Variants in DCBLD1 observed in about 807,000 individuals in gnomAD.
The protein encoded by DCBLD1 is discoidin, CUB and LCCL domain-containing protein 1.
In DCBLD1, 57 loss-of-function variants were observed where a neutral mutation model predicts 71.5. That is an observed-to-expected ratio of 0.80 (90% confidence interval 0.64 to 0.99). The LOEUF (loss-of-function observed/expected upper bound fraction) is 0.99, where lower values mean the gene tolerates loss of function less well. Ranked by LOEUF, DCBLD1 falls within the 50% of genes least tolerant of loss-of-function variation. The pLI is 0.00. For missense variants in DCBLD1, 891 were observed against 923.5 expected, an observed-to-expected ratio of 0.96 and a Z score of 0.46; for synonymous variants, 380 against 363.8, an observed-to-expected ratio of 1.04 and a Z score of -0.51.
chr6:117,550,372 A>G (rs1779408152), downstream of DCBLD1, among the ~76,000 whole-genome samples: 1 of 152,178 alleles, frequency 6.6e-6, no homozygotes, highest in African/African-American at 2.4e-5. Flanking sequence ...GAAAAATTTT[A>G]CATCTTTCTT....
intron 2 of DCBLD1, among the ~76,000 whole-genome samples, chr6:117,506,194 T>C (rs1269498074): frequency 1.3e-5 from 2 of 152,116 alleles, no homozygotes; most frequent in African/African-American, 4.8e-5. Flanking sequence ...ATATTATCAA[T>C]GCCTTTCCAC....
At chr6:117,537,315 A>G (rs1417462626) in intron 7 of DCBLD1, 90 bp downstream of exon 7, 2 of 1,231,354 alleles carry the variant, frequency 1.6e-6, no homozygotes, top group East Asian at 4.8e-5. Flanking sequence ...CAGGCGGATC[A>G]TGAGGTCAGG....
intron 14 of DCBLD1, among the ~76,000 whole-genome samples, chr6:117,557,166 G>A (rs935860511): frequency 6.6e-6 from 1 of 151,980 alleles, no homozygotes; most frequent in Non-Finnish European, 1.5e-5. Context: ...AAGTTTTGTT[G>A]CAATCTCCCA....
intron 1 of DCBLD1, among the ~76,000 whole-genome samples, chr6:117,498,056 T>C (rs1160896309): frequency 2.6e-5 from 4 of 152,368 alleles, no homozygotes; most frequent in South Asian, 2.1e-4. Context: ...CTTGGAGATA[T>C]CAGTTTGGCT....
At chr6:117,560,401 A>G in intron 14 of DCBLD1, 1 of 186,956 alleles carries the variant, frequency 5.3e-6, no homozygotes, top group African/African-American at 2.3e-5. Flanking sequence ...ATTATCATAA[A>G]TGCAATAGAT....
At chr6:117,543,286 G>A in intron 12 of DCBLD1, 75 bp downstream of exon 12, 1 of 1,236,712 alleles carries the variant, frequency 8.1e-7, no homozygotes, top group Admixed American at 1.7e-5. Context: ...TTATTCTTCA[G>A]AAATGCATAT....
chr6:117,521,501 T>G, intron 3 of DCBLD1, 24 bp from the exon 4 acceptor site: 1 of 1,551,466 alleles, frequency 6.4e-7, no homozygotes, highest in South Asian at 1.2e-5. Context: ...TTCTATTAAT[T>G]GCAATTATCT....
intron 4 of DCBLD1, among the ~76,000 whole-genome samples, chr6:117,522,869 C>G (rs1399077720): frequency 6.6e-6 from 1 of 152,166 alleles, no homozygotes; most frequent in African/African-American, 2.4e-5. Context: ...TTAAGACTTG[C>G]TGAGGGCTAC....
chr6:117,539,249 T>TAATA lies in DCBLD1; in HGVS notation c.977-5_977-4insATAA. ...AAATAGCCTGTAAATATTATTTTCT[T>TAATA]ACAAGGAATTAGGACCACAGGATCT... On this transcript the variant is annotated splice_region_variant and splice_polypyrimidine_tract_variant and intron_variant, in intron 8 of 14. Transcript: ENST00000338728. 6.6e-7 allele frequency: 1 copy of TAATA among 1,513,330 alleles called. No homozygotes were observed. Among genetic ancestry groups the TAATA allele is most frequent in the Non-Finnish European group, 8.8e-7 (1 of 1,136,570 alleles). 93.7% of individuals were successfully genotyped at this position (1,513,330 alleles called of 1,614,324 possible). A position where few individuals can be genotyped will look rare whatever the true frequency, so the allele number is the denominator to read the frequency against.
At chr6:117,515,020 G>GGTT (rs1402023741) in intron 2 of DCBLD1, among the ~76,000 whole-genome samples, 12 of 136,952 alleles carry the variant, frequency 8.8e-5, no homozygotes, top group Non-Finnish European at 1.3e-4. Flanking sequence ...CAGTTTGTGG[G>GGTT]TTTTTTTTTT....
chr6:117,547,546 A>G (rs1243773815), intron 14 of DCBLD1: 2 of 521,632 alleles, frequency 3.8e-6, no homozygotes, highest in Non-Finnish European at 7.7e-6. Context: ...TATCAACTCT[A>G]TTTTCGAGGC....
rs1318931686 is a variant in DCBLD1 at position 117,548,442 on chromosome 6, A to G, written c.*3A>G. 6.4e-5 allele frequency: 100 copies of G among 1,550,408 alleles called. No homozygotes were observed. The highest frequency in any genetic ancestry group is 8.4e-5 in the Non-Finnish European group (96 of 1,146,996). ...CGGCCATGACTGCCCTTTTGTGAAC[A>G]CAATGTGAAAGAAGCCTGCTGTGGT... On this transcript the variant is annotated 3_prime_UTR_variant, in exon 15 of 15. Transcript: ENST00000338728.
intron 1 of DCBLD1, among the ~76,000 whole-genome samples, chr6:117,498,314 G>A (rs1048141934): frequency 2.0e-5 from 3 of 152,150 alleles, no homozygotes; most frequent in African/African-American, 7.2e-5. Context: ...AGACCACCCT[G>A]GAAATATTCT....
Position 117,548,031 on chromosome 6 carries a change from C to A in DCBLD1, c.1740C>A (p.Cys580Ter), listed in dbSNP as rs1390211041. Residue 580 changes from cysteine to a stop codon, truncating the protein, a stop_gained, in exon 15 of 15, where the codon TGC (cysteine) becomes TGA (stop). Transcript: ENST00000338728. LOFTEE classifies it low-confidence loss of function (END_TRUNC). ...CCGATGCCGGCGGCCACTATGACTG[C>A]CCGCAGCGGGCCGGCCGCCACGAGT... ...VSTDAGGHYD[C>*]PQRAGRHEYA... is the part of the protein sequence containing the mutation. 6.5e-7 allele frequency: 1 copy of A among 1,549,618 alleles called. No individual in the cohort carries two copies. Among genetic ancestry groups the A allele is most frequent in the Non-Finnish European group, 8.7e-7 (1 of 1,146,504 alleles).
intron 14 of DCBLD1, among the ~76,000 whole-genome samples, chr6:117,559,246 G>T (rs773423982): frequency 6.6e-6 from 1 of 152,170 alleles, no homozygotes; most frequent in Non-Finnish European, 1.5e-5. Flanking sequence ...ATTTATTAAC[G>T]GCAATGCCAG....
At position 117,532,305 on chromosome 6, in the gene DCBLD1, G is replaced by T. The variant is rs761274265; in HGVS notation, c.631G>T (p.Asp211Tyr). The change falls in exon 6 of 15, where the codon GAT becomes TAT. Residue 211 changes from aspartate to tyrosine, a missense_variant. Coordinates refer to ENST00000338728, the MANE Select transcript of DCBLD1 (RefSeq NM_001366458.2). ...TGCCATCCATGCAGGAATAATTGCT[G>T]ATGAACTAGGTGGCCAGATCAGTGT... ...KAAIHAGIIA[D>Y]ELGGQISVLQ... 1.2e-6 allele frequency: 2 copies of T among 1,613,664 alleles called. No homozygotes were observed. The highest frequency in any genetic ancestry group is 1.7e-6 in the Non-Finnish European group (2 of 1,179,894).
chr6:117,539,571 G>T, intron 9 of DCBLD1, 192 bp downstream of exon 9: 1 of 515,744 alleles, frequency 1.9e-6, no homozygotes. Context: ...GGGCAACATA[G>T]CAAGACCCCA....
intron 2 of DCBLD1, among the ~76,000 whole-genome samples, chr6:117,512,088 A>G (rs771912418): frequency 1.3e-5 from 2 of 152,268 alleles, no homozygotes; most frequent in Non-Finnish European, 1.5e-5. Flanking sequence ...AGAAAAAGCT[A>G]TTGGGTTCCT....
chr6:117,500,628 A>G (rs1313621636), intron 1 of DCBLD1, among the ~76,000 whole-genome samples: 1 of 152,192 alleles, frequency 6.6e-6, no homozygotes, highest in Non-Finnish European at 1.5e-5. Context: ...GCACTTTGGG[A>G]GGCCGAGGTG....
Sources: gnomAD v4.1 joint callset for allele counts (sites outside exome capture counted in the v4.1 genomes callset) on GRCh38, gnomAD v4.1.1 for gene constraint, MANE v1.5 for transcripts, NCBI Gene and HGNC (gene_info 2026-07-23, HGNC 2026-07-21) for gene names.